The following LRRC45 variants were observed in gnomAD, a reference collection of about 807,000 sequenced individuals.
LRRC45 encodes the protein leucine-rich repeat-containing protein 45.
A neutral mutation model predicts 85.4 loss-of-function variants in LRRC45; 73 were observed. The observed-to-expected ratio is 0.85, with a 90% confidence interval of 0.71 to 1.04. The LOEUF (loss-of-function observed/expected upper bound fraction) is 1.04. Ranked by LOEUF, LRRC45 falls within the 50% of genes least tolerant of loss-of-function variation. The probability of loss-of-function intolerance (pLI) is 0.00; values close to 1 mark genes in which losing one functional copy is unlikely to be tolerated. For missense variants in LRRC45, 937 were observed against 883.3 expected (o/e 1.06, Z -0.77); for synonymous variants, 429 against 386.0 (o/e 1.11, Z -1.31).
chr17:82,023,378 T>A lies in LRRC45; in HGVS notation c.-266T>A, dbSNP rs2043330431. ...GTCGGGGCTGCAGGCGGGGCAGGGC[T>A]GGGTGGGGGCGCGCGACGCACCTGC... is the stretch of plus-strand genomic sequence containing the variant. On this transcript the variant is annotated 5_prime_UTR_variant, in exon 1 of 17. Coordinates refer to ENST00000306688, the MANE Select transcript of LRRC45 (RefSeq NM_144999.4). 4 of 476,764 alleles carry A rather than the reference T, an allele frequency of 8.4e-6. No individual in the cohort carries two copies. Among genetic ancestry groups the A allele is most frequent in the Non-Finnish European group, 1.5e-5 (4 of 271,792 alleles). The allele number at this position is 476,764 out of a possible 1,614,324, so 29.5% of individuals were successfully genotyped here.
Position 82,031,009 on chromosome 17 carries a change from C to T in LRRC45, c.*204C>T, listed in dbSNP as rs2043416919. The T allele has an allele frequency of 2.5e-6, 1 of 402,628 alleles. No individual in the cohort carries two copies. The highest frequency in any genetic ancestry group is 4.3e-6 in the Non-Finnish European group (1 of 230,964). 24.9% of individuals were successfully genotyped at this position (402,628 alleles called of 1,614,324 possible). On this transcript the variant is annotated 3_prime_UTR_variant, in exon 17 of 17. Coordinates refer to ENST00000306688, the MANE Select transcript of LRRC45 (RefSeq NM_144999.4). ...AAGGGCTCCCTACCGGCCCCTTCTT[C>T]CCGGTCGACGCCACGTGGGAGCACA...
At position 82,030,133 on chromosome 17, in the gene LRRC45, C is replaced by G; in HGVS notation, c.1563C>G (p.Gly521=). ...CGCAGGCACGGGACGAGGCGCAGGG[C>G]GCTTGCCTACAGCAGAAGCAGGTGG... ...LLAQARDEAQ[G]ACLQQKQVVA... The change falls in exon 15 of 17, where the codon GGC becomes GGG. Residue 521 remains glycine, a synonymous_variant. Transcript: ENST00000306688. 1 of 1,547,986 alleles carries G rather than the reference C, an allele frequency of 6.5e-7. No homozygotes were observed.
intron 12 of LRRC45, 178 bp downstream of exon 12, chr17:82,028,861 G>A (rs937851362): frequency 2.5e-6 from 2 of 799,202 alleles, no homozygotes; most frequent in Non-Finnish European, 3.9e-6. Flanking sequence ...GCGGCGGGGG[G>A]ACCCCGGCAA....
At position 82,030,339 on chromosome 17, in the gene LRRC45, G is replaced by C. The variant is rs1356918267; in HGVS notation, c.1689G>C (p.Gln563His). 1.3e-6 allele frequency: 2 copies of C among 1,549,794 alleles called. No homozygotes were observed. The highest frequency in any genetic ancestry group is 1.7e-6 in the Non-Finnish European group (2 of 1,146,672). Residue 563 changes from glutamine to histidine, a missense_variant, in exon 16 of 17, where the codon CAG (glutamine) becomes CAC (histidine). Physicochemically the swap from Gln to His is conservative, Grantham distance 24 (BLOSUM62 0). Transcript: ENST00000306688. The stretch of plus-strand genomic sequence containing the variant: ...GGCAGGAGCTGAGCCTCAAGGACCA[G>C]GAAAGGGTGGCCGAGGTGAGCAGGG... ...ELQQELSLKDQERVAEVSRVR... is the reference protein window; with the variant it reads ...ELQQELSLKDHERVAEVSRVR...
In LRRC45 at chr17:82,023,555, T is replaced by C; in HGVS notation, c.-89T>C. On this transcript the variant is annotated 5_prime_UTR_variant, in exon 1 of 17. Coordinates refer to ENST00000306688, the MANE Select transcript of LRRC45 (RefSeq NM_144999.4). ...GGGTCGGCGGAGGCCCCGTCTCCTG[T>C]ACCCGGCGCTGGGACTGCTCCGCAC... The C allele has an allele frequency of 8.1e-7, 1 of 1,233,624 alleles. No individual in the cohort carries two copies. The highest frequency in any genetic ancestry group is 1.1e-6 in the Non-Finnish European group (1 of 919,474). The allele number at this position is 1,233,624 out of a possible 1,614,324, so 76.4% of individuals were successfully genotyped here.
At chr17:82,028,958 G>A in intron 12 of LRRC45, 135 bp from the exon 13 acceptor site, 3 of 819,328 alleles carry the variant, frequency 3.7e-6, no homozygotes, top group Non-Finnish European at 5.9e-6. Context: ...TTCCTGCTAG[G>A]CCATCTGAGG....
chr17:82,027,652 G>A (rs758185633), intron 7 of LRRC45, 22 bp from the exon 8 acceptor site: 3 of 1,604,426 alleles, frequency 1.9e-6, no homozygotes, highest in Non-Finnish European at 2.6e-6. Flanking sequence ...GTTACTCTCT[G>A]CACCCTCCTC....
chr17:82,027,504 T>C, intron 7 of LRRC45, 60 bp downstream of exon 7: 1 of 1,607,872 alleles, frequency 6.2e-7, no homozygotes, highest in Non-Finnish European at 8.5e-7. Context: ...TGGCTCAGAC[T>C]CAGATGGGAC....
At position 82,023,568 on chromosome 17, in the gene LRRC45, G is replaced by A; in HGVS notation, c.-76G>A. ...CCCCGTCTCCTGTACCCGGCGCTGG[G>A]ACTGCTCCGCACCGCGCGGCTCCCT... is the stretch of plus-strand genomic sequence containing the variant. On this transcript the variant is annotated 5_prime_UTR_variant, in exon 1 of 17. Transcript: ENST00000306688. 7.5e-7 allele frequency: 1 copy of A among 1,334,656 alleles called. No homozygotes were observed. Among genetic ancestry groups the A allele is most frequent in the Non-Finnish European group, 9.9e-7 (1 of 1,005,550 alleles). The allele number at this position is 1,334,656 out of a possible 1,614,324, so 82.7% of individuals were successfully genotyped here.
intron 5 of LRRC45, 154 bp from the exon 6 acceptor site, chr17:82,026,745 C>G: frequency 1.8e-6 from 1 of 546,270 alleles, no homozygotes; most frequent in Non-Finnish European, 3.4e-6. Flanking sequence ...TGCCCAGCTA[C>G]TTTTTTGTAT....
At position 82,026,889 on chromosome 17, in the gene LRRC45, C is replaced by T. The variant is rs1297538529; in HGVS notation, c.662-10C>T. Reference sequence around the variant, plus strand: ...GCCCCTGTGCCCAGCTGACACAGCTCCTTCTGCAGAGCAAGCCATGGGCCA... The same window carrying T: ...GCCCCTGTGCCCAGCTGACACAGCTTCTTCTGCAGAGCAAGCCATGGGCCA... On this transcript the variant is annotated splice_polypyrimidine_tract_variant and intron_variant, in intron 5 of 16. Coordinates refer to ENST00000306688, the MANE Select transcript of LRRC45 (RefSeq NM_144999.4). The T allele has an allele frequency of 8.1e-6, 13 of 1,595,324 alleles. No homozygotes were observed. The South Asian group carries it at 1.4e-4, about 17-fold the overall frequency.
In LRRC45 at chr17:82,028,604, G is replaced by T; in HGVS notation, c.1238-9G>T. The T allele has an allele frequency of 1.2e-6, 2 of 1,612,790 alleles. No homozygotes were observed. Among genetic ancestry groups the T allele is most frequent in the Middle Eastern group, 1.7e-4 (1 of 6,058 alleles). On this transcript the variant is annotated splice_polypyrimidine_tract_variant and intron_variant, in intron 11 of 16. Coordinates refer to ENST00000306688, the MANE Select transcript of LRRC45 (RefSeq NM_144999.4). ...GCTCACGCATACTCTGCCCACCCTG[G>T]GCTTCCAGAGCGCCTGGACATGGAG... is the stretch of plus-strand genomic sequence containing the variant.
At position 82,030,692 on chromosome 17, in the gene LRRC45, G is replaced by T; in HGVS notation, c.1900G>T (p.Ala634Ser). 1 of 1,493,376 alleles carries T rather than the reference G, an allele frequency of 6.7e-7. No individual in the cohort carries two copies. The highest frequency in any genetic ancestry group is 9.0e-7 in the Non-Finnish European group (1 of 1,111,790). The allele number at this position is 1,493,376 out of a possible 1,614,324, so 92.5% of individuals were successfully genotyped here. A position where few individuals can be genotyped will look rare whatever the true frequency, so the allele number is the denominator to read the frequency against. Reference protein sequence around the residue: ...SLREKLRLREAEIARIRDEEA... With the variant: ...SLREKLRLRESEIARIRDEEA... Reference sequence around the variant, plus strand: ...CCGGGAGAAGCTGCGGCTCCGGGAGGCGGAGATCGCCCGCATCCGGGACGA... The same window carrying T: ...CCGGGAGAAGCTGCGGCTCCGGGAGTCGGAGATCGCCCGCATCCGGGACGA... Residue 634 changes from alanine to serine, a missense_variant, in exon 17 of 17, where the codon GCG becomes TCG. Ala to Ser is a moderately conservative substitution (Grantham distance 99). Coordinates refer to ENST00000306688, the MANE Select transcript of LRRC45 (RefSeq NM_144999.4).
chr17:82,030,265 C>G (rs879075651), intron 15 of LRRC45, 27 bp downstream of exon 15: 15 of 1,535,070 alleles, frequency 9.8e-6, no homozygotes, highest in Middle Eastern at 1.8e-4. Context: ...TGGGGGGCCC[C>G]GGGCGTGCTA....
chr17:82,026,923 A>G lies in LRRC45; in HGVS notation c.686A>G (p.Asp229Gly). 6.2e-7 allele frequency: 1 copy of G among 1,607,030 alleles called. No homozygotes were observed. Among genetic ancestry groups the G allele is most frequent in the South Asian group, 1.1e-5 (1 of 90,098 alleles). The change falls in exon 6 of 17, where the codon GAC becomes GGC. Residue 229 changes from aspartate (D) to glycine (G), a missense_variant. Transcript: ENST00000306688. ...GAGCAAGCCATGGGCCACAGCCAGG[A>G]CCGGCTCACCACCTTCCAGGAGAAC... ...AVEQAMGHSQ[D>G]RLTTFQENQA...
intron 8 of LRRC45, 111 bp from the exon 9 acceptor site, chr17:82,027,900 C>A (rs557488648): frequency 2.6e-6 from 4 of 1,510,566 alleles, no homozygotes; most frequent in Non-Finnish European, 3.6e-6. Flanking sequence ...CTGGAGGAGG[C>A]GGGTGCTGGC....
chr17:82,030,375 G>T lies in LRRC45; in HGVS notation c.1725G>T (p.Glu575Asp). ...RVAEVSRVRV[E>D]LQEQNGRLQA... ...CCGAGGTGAGCAGGGTGCGCGTGGA[G>T]CTGCAGGAGCAGAACGGCCGGCTGC... is the stretch of plus-strand genomic sequence containing the variant. Residue 575 changes from glutamate (E) to aspartate (D), a missense_variant, in exon 16 of 17, where the codon GAG becomes GAT. Physicochemically the swap from Glu to Asp is conservative, Grantham distance 45. Transcript: ENST00000306688. The T allele has an allele frequency of 1.3e-6, 2 of 1,549,966 alleles. No homozygotes were observed. The highest frequency in any genetic ancestry group is 1.2e-5 in the South Asian group (1 of 84,076).
At chr17:82,024,092 G>A in intron 1 of LRRC45, 186 bp from the exon 2 acceptor site, 1 of 768,010 alleles carries the variant, frequency 1.3e-6, no homozygotes, top group South Asian at 1.8e-5. Context: ...GAGCCGGCTT[G>A]GTGCCTGGCA....
intron 12 of LRRC45, 161 bp from the exon 13 acceptor site, chr17:82,028,932 T>C: frequency 1.4e-6 from 1 of 727,856 alleles, no homozygotes; most frequent in Non-Finnish European, 2.3e-6. Flanking sequence ...GTTCAGGGTG[T>C]GCATGCTGCG....
Sources: allele counts gnomAD v4.1 joint callset, GRCh38; gene constraint gnomAD v4.1.1; transcripts MANE v1.5; gene names NCBI Gene and HGNC (gene_info 2026-07-23, HGNC 2026-07-21).